The following DMBT1 variants were observed in gnomAD, a reference collection of about 807,000 sequenced individuals.
DMBT1 encodes deleted in malignant brain tumors 1, also known as scavenger receptor cysteine-rich domain-containing protein DMBT1.
Under a neutral mutation model 252.9 loss-of-function variants are expected in DMBT1, and 198 were observed. The ratio of observed to expected loss-of-function variants is 0.78; its 90% CI spans 0.70 to 0.88. DMBT1 has a LOEUF of 0.88. Among genes scored for constraint, DMBT1 ranks in the 40% least tolerant of loss-of-function variants. DMBT1 has a pLI of 0.00. For missense variants in DMBT1, 2,432 were observed against 2,404.7 expected, an observed-to-expected ratio of 1.01 and a Z score of -0.24; for synonymous variants, 990 against 942.7, an observed-to-expected ratio of 1.05 and a Z score of -0.92.
Position 122,570,182 on chromosome 10 carries a change from G to T in DMBT1, c.112G>T (p.Val38Leu). 6.3e-7 allele frequency: 1 copy of T among 1,594,574 alleles called. No individual in the cohort carries two copies. The highest frequency in any genetic ancestry group is 8.6e-7 in the Non-Finnish European group (1 of 1,162,340). The change falls in exon 3 of 56, where the codon GTG becomes TTG. Residue 38 changes from valine (V) to leucine (L), a missense_variant. Val to Leu is a conservative substitution (Grantham distance 32). This residue lies in a region of DMBT1 where 1,264 missense variants were observed against 1,082.2 expected (regional missense o/e 1.17). Coordinates refer to ENST00000338354, the MANE Select transcript of DMBT1 (RefSeq NM_001377530.1). ...CGCAGCTTCACTGATTCCCTCGGAG[G>T]TGCCCTTGGATCCAACTGTAGCAGA... ...TDYASLIPSE[V>L]PLDPTVAEGS...
chr10:122,580,309 T>A (rs2097757054), intron 10 of DMBT1, among the ~76,000 whole-genome samples: 1 of 152,194 alleles, frequency 6.6e-6, no homozygotes, highest in Admixed American at 6.5e-5. Context: ...GGTTCTCAGC[T>A]GAGACCCAGT....
chr10:122,589,933 T>A (rs951817861), intron 17 of DMBT1, among the ~76,000 whole-genome samples: 14 of 148,682 alleles, frequency 9.4e-5, no homozygotes, highest in African/African-American at 2.9e-4. Context: ...ATGAGTCTTG[T>A]ATGGGACAAA....
In DMBT1 at chr10:122,593,300, T is replaced by C. The variant is rs1006772868; in HGVS notation, c.2501-269T>C. Among the ~76,000 whole-genome samples the C allele has an allele frequency of 3.4e-4, 50 of 148,308 alleles. 2 individuals carry two copies. The highest frequency in any genetic ancestry group is 1.1e-3 in the African/African-American group (46 of 41,076). ...CTTGCTGACTCAGGAACACCTAAGA[T>C]GTGCAAGGGAGTGGGTTGGTTTAGG... On this transcript the variant is annotated intron_variant, in intron 20 of 55. Coordinates refer to ENST00000338354, the MANE Select transcript of DMBT1 (RefSeq NM_001377530.1).
chr10:122,584,697 T>A (rs1459240058), intron 14 of DMBT1, among the ~76,000 whole-genome samples: 3 of 148,910 alleles, frequency 2.0e-5, no homozygotes, highest in Non-Finnish European at 4.5e-5. Context: ...ATTGCCAAAG[T>A]CTCCTCGGAA....
chr10:122,643,256 C>G lies in DMBT1; in HGVS notation c.7487C>G (p.Ala2496Gly). 3 of 1,613,948 alleles carry G rather than the reference C, an allele frequency of 1.9e-6. No homozygotes were observed. Among genetic ancestry groups the G allele is most frequent in the Non-Finnish European group, 2.5e-6 (3 of 1,179,878 alleles). The change falls in exon 56 of 56, where the codon GCG becomes GGG. Residue 2496 changes from alanine (A) to glycine (G), a missense_variant. Physicochemically the swap from Ala to Gly is moderately conservative, Grantham distance 60 (BLOSUM62 0). Transcript: ENST00000338354. The part of the protein sequence containing the change: ...YLRCKMVVCR[A>G]YDPSSRCYRG... ...CGTTGTAAAATGGTGGTGTGCAGAG[C>G]GTATGACCCCTCTTCCCGCTGCTAC...
At chr10:122,581,076 G>C (rs148906512) in intron 11 of DMBT1, among the ~76,000 whole-genome samples, 181 bp downstream of exon 11, 24,498 of 139,878 alleles carry the variant, frequency 0.18, 2,089 homozygotes, top group East Asian at 0.38. Flanking sequence ...ACACAGGATT[G>C]AGGAGGCCTC....
intron 21 of DMBT1, among the ~76,000 whole-genome samples, chr10:122,593,850 A>G (rs1275939328): frequency 7.0e-6 from 1 of 143,086 alleles, no homozygotes; most frequent in Non-Finnish European, 1.6e-5. Flanking sequence ...CCAGTGGACA[A>G]CCCTTACAGG....
chr10:122,586,174 C>T lies in DMBT1; in HGVS notation c.1574C>T (p.Thr525Ile), dbSNP rs773273957. Residue 525 changes from threonine (T) to isoleucine (I), a missense_variant, in exon 16 of 56, where the codon ACC becomes ATC. Physicochemically the swap from Thr to Ile is moderately conservative, Grantham distance 89. Transcript: ENST00000338354. ...WGTVCDDSWD[T>I]NDANVVCRQL... Reference sequence around the variant, plus strand: ...ACCGTGTGTGATGACAGCTGGGACACCAATGATGCCAATGTGGTCTGCAGG... The same window carrying T: ...ACCGTGTGTGATGACAGCTGGGACATCAATGATGCCAATGTGGTCTGCAGG... 2.5e-5 allele frequency: 39 copies of T among 1,589,098 alleles called. 5 individuals carry two copies. The highest frequency in any genetic ancestry group is 2.9e-5 in the Non-Finnish European group (34 of 1,166,122).
Position 122,585,217 on chromosome 10 carries a change from GGA to G in DMBT1, c.1421-51_1421-50del, listed in dbSNP as rs539676668. 110 of 1,569,744 alleles carry G rather than the reference GGA, an allele frequency of 7.0e-5. 20 individuals carry two copies. The South Asian group carries it at 1.2e-3, about 17-fold the overall frequency. ...GCCTTCTCCGGAGACTTTTCCTTTT[GGA>G]GATTTTCACCATCAACTTTAATTCT... On this transcript the variant is annotated intron_variant, in intron 14 of 55. Coordinates refer to ENST00000338354, the MANE Select transcript of DMBT1 (RefSeq NM_001377530.1).
rs1304895662 is a variant in DMBT1 at position 122,633,213 on chromosome 10, C to T, written c.6420C>T (p.Phe2140=). 1.9e-6 allele frequency: 3 copies of T among 1,614,030 alleles called. No individual in the cohort carries two copies. The highest frequency in any genetic ancestry group is 1.1e-5 in the South Asian group (1 of 91,082). The change falls in exon 52 of 56, where the codon TTC becomes TTT. Residue 2140 remains phenylalanine, a synonymous_variant. Coordinates refer to ENST00000338354, the MANE Select transcript of DMBT1 (RefSeq NM_001377530.1). ...RPNTDYSCGG[F]LSQPSGDFSS... ...CAGCAGATTATTCCTGCGGAGGCTT[C>T]CTATCCCAACCATCAGGGGACTTTT...
At chr10:122,599,695 G>C (rs545903682) in intron 26 of DMBT1, among the ~76,000 whole-genome samples, 2 of 152,212 alleles carry the variant, frequency 1.3e-5, no homozygotes, top group Non-Finnish European at 2.9e-5. Context: ...GGCCGGCCAG[G>C]CATGGCCTTG....
Position 122,580,816 on chromosome 10 carries a change from C to T in DMBT1, c.1004-50C>T, listed in dbSNP as rs377500665. 440 of 1,612,882 alleles carry T rather than the reference C, an allele frequency of 2.7e-4. 1 individual carries two copies. The highest frequency in any genetic ancestry group is 4.9e-4 in the South Asian group (45 of 91,024). On this transcript the variant is annotated intron_variant, in intron 10 of 55. Coordinates refer to ENST00000338354, the MANE Select transcript of DMBT1 (RefSeq NM_001377530.1). ...CTTTCCCTCCTCGTTCCAGTTTTGC[C>T]GACTTCTGTGTAATGTTCCTGATCT...
At chr10:122,573,586 C>A in intron 5 of DMBT1, 129 bp from the exon 6 acceptor site, 1 of 1,193,406 alleles carries the variant, frequency 8.4e-7, no homozygotes, top group Non-Finnish European at 1.2e-6. Context: ...ACATGGTTGG[C>A]TTTTAGCAAT....
intron 52 of DMBT1, among the ~76,000 whole-genome samples, chr10:122,633,861 T>C (rs1361672534): frequency 1.3e-5 from 2 of 152,182 alleles, no homozygotes. Context: ...TGGCCAGGTA[T>C]GCTGCCTCAG....
At chr10:122,627,820 A>G (rs2098128995) in intron 46 of DMBT1, among the ~76,000 whole-genome samples, 2 of 152,224 alleles carry the variant, frequency 1.3e-5, no homozygotes, top group South Asian at 2.1e-4. Context: ...TCTAGGATAT[A>G]TAAGTGACTC....
At chr10:122,625,851 T>G in intron 45 of DMBT1, 82 bp from the exon 46 acceptor site, 8 of 1,182,628 alleles carry the variant, frequency 6.8e-6, no homozygotes, top group Non-Finnish European at 1.0e-5. Flanking sequence ...GGAAAAGGAT[T>G]TAACTTTGTC....
Position 122,640,386 on chromosome 10 carries a change from C to T in DMBT1, c.7289C>T (p.Thr2430Ile), listed in dbSNP as rs760310355. Residue 2430 changes from threonine to isoleucine, a missense_variant, in exon 55 of 56, where the codon ACC (threonine) becomes ATC (isoleucine). Transcript: ENST00000338354. ...GCTGTACTGACCTTGTTTGTGGACA[C>T]CTGCGTGGCATCACCATACTCCAAT... ...SDAVLTLFVD[T>I]CVASPYSNDF... 6.2e-7 allele frequency: 1 copy of T among 1,614,036 alleles called. No homozygotes were observed. The highest frequency in any genetic ancestry group is 8.5e-7 in the Non-Finnish European group (1 of 1,179,906).
chr10:122,567,268 C>T (rs1251370887), intron 2 of DMBT1, among the ~76,000 whole-genome samples: 1 of 152,192 alleles, frequency 6.6e-6, no homozygotes, highest in African/African-American at 2.4e-5. Flanking sequence ...GGAGGGGGCG[C>T]ATTGCCCTGC....
intron 43 of DMBT1, 22 bp downstream of exon 43, chr10:122,620,313 C>A: frequency 6.2e-7 from 1 of 1,613,380 alleles, no homozygotes; most frequent in Non-Finnish European, 8.5e-7. Context: ...TCTCGCCCCT[C>A]CCTAGGGCTC....
Sources: gnomAD v4.1 joint callset for allele counts (sites outside exome capture counted in the v4.1 genomes callset) on GRCh38, gnomAD v4.1.1 for gene constraint, gnomAD v4.1.1 regional missense constraint, MANE v1.5 for transcripts, NCBI Gene and HGNC (gene_info 2026-07-23, HGNC 2026-07-21) for gene names.